TM4SF5: variants seen among roughly 807,000 people sequenced by gnomAD.
TM4SF5 encodes the protein transmembrane 4 L six family member 5, also known as transmembrane 4 L6 family member 5.
A neutral mutation model predicts 22.3 loss-of-function variants in TM4SF5; 16 were observed. The observed-to-expected ratio is 0.72, with a 90% CI of 0.49 to 1.09. The LOEUF is 1.09. Ranked by LOEUF, TM4SF5 falls within the 50% of genes least tolerant of loss-of-function variation. TM4SF5 has a pLI of 0.00. For missense variants in TM4SF5, 249 were observed against 266.1 expected (o/e 0.94, Z 0.45); for synonymous variants, 113 against 109.6 (o/e 1.03, Z -0.19).
chr17:4,776,640 T>C (rs1038399624), intron 1 of TM4SF5, among the ~76,000 whole-genome samples: 7 of 152,234 alleles, frequency 4.6e-5, no homozygotes, highest in Admixed American at 6.5e-5. Flanking sequence ...ATTCCCAGTT[T>C]GGTTTTTTTG....
Position 4,772,723 on chromosome 17 carries a change from T to G in TM4SF5, c.177+624T>G, listed in dbSNP as rs529407280. 6.8e-4 allele frequency among the ~76,000 whole-genome samples: 102 copies of G among 150,874 alleles called. 1 individual carries two copies. In the East Asian group the frequency reaches 0.013, roughly 20 times the overall value. The stretch of plus-strand genomic sequence containing the variant: ...GGTTTTTGTGTTTGTTTTTTGTTTT[T>G]TTTTTTTTTTGAGACAGGGTCTCTC... On this transcript the variant is annotated intron_variant, in intron 1 of 4. Coordinates refer to ENST00000270560, the MANE Select transcript of TM4SF5 (RefSeq NM_003963.3).
Position 4,782,554 on chromosome 17 carries a change from TGCCTCTCG to T in TM4SF5, c.312_319del (p.Leu105ValfsTer95). 2 of 1,614,032 alleles carry T rather than the reference TGCCTCTCG, an allele frequency of 1.2e-6. No homozygotes were observed. Among genetic ancestry groups the T allele is most frequent in the Non-Finnish European group, 1.7e-6 (2 of 1,179,978 alleles). ...GTTCGGGGTGCTTGGTGCCATCTAC[TGCCTCTCG>T]GTGTCTGGAGCTGGGCTCCGAAATG... On this transcript the variant is annotated frameshift_variant, in exon 3 of 5. Transcript: ENST00000270560. LOFTEE classifies it high-confidence loss of function.
intron 1 of TM4SF5, among the ~76,000 whole-genome samples, chr17:4,775,283 G>A (rs1917184623): frequency 6.6e-6 from 1 of 151,030 alleles, no homozygotes; most frequent in Admixed American, 6.6e-5. Context: ...TTTTGAGACG[G>A]AATCTCACTG....
chr17:4,777,437 A>G (rs9912225), intron 1 of TM4SF5, among the ~76,000 whole-genome samples: 6,481 of 152,290 alleles, frequency 0.043, 189 homozygotes, highest in Middle Eastern at 0.088. Flanking sequence ...TTTAATCAAA[A>G]GAGTAAAAAT....
At chr17:4,776,273 C>CTGTT (rs145804643) in intron 1 of TM4SF5, among the ~76,000 whole-genome samples, 10,715 of 151,742 alleles carry the variant, frequency 0.071, 1,279 homozygotes, top group African/African-American at 0.25. Flanking sequence ...ATACATTCTA[C>CTGTT]TGTTTGTTTG....
intron 1 of TM4SF5, among the ~76,000 whole-genome samples, chr17:4,776,027 T>TA (rs1917198147): frequency 6.6e-6 from 1 of 151,622 alleles, no homozygotes; most frequent in African/African-American, 2.4e-5. Context: ...GTATTTACTT[T>TA]AGTAGAGATG....
chr17:4,774,713 C>T (rs1301907126), intron 1 of TM4SF5, among the ~76,000 whole-genome samples: 4 of 152,084 alleles, frequency 2.6e-5, no homozygotes, highest in African/African-American at 4.8e-5. Context: ...TCACGACCAG[C>T]CTGACCAACA....
At chr17:4,774,470 A>G (rs151138870) in intron 1 of TM4SF5, among the ~76,000 whole-genome samples, 344 of 151,706 alleles carry the variant, frequency 2.3e-3, no homozygotes, top group Admixed American at 3.4e-3. Context: ...GTTTGGGCCC[A>G]GAAATGAAAG....
At chr17:4,777,810 G>A (rs1917235195) in intron 1 of TM4SF5, among the ~76,000 whole-genome samples, 1 of 152,080 alleles carries the variant, frequency 6.6e-6, no homozygotes, top group African/African-American at 2.4e-5. Flanking sequence ...CCTGAACACG[G>A]GAGGCAGAGG....
chr17:4,772,515 T>TCACG (rs1020300341), intron 1 of TM4SF5, among the ~76,000 whole-genome samples: 8 of 152,084 alleles, frequency 5.3e-5, no homozygotes, highest in African/African-American at 1.7e-4. Context: ...GGGACTGCCC[T>TCACG]CACGGATCAG....
At chr17:4,772,245 T>G in intron 1 of TM4SF5, 146 bp downstream of exon 1, 1 of 1,027,800 alleles carries the variant, frequency 9.7e-7, no homozygotes, top group Non-Finnish European at 1.4e-6. Flanking sequence ...CCCTCTGGAG[T>G]CAGTCCTGGA....
intron 3 of TM4SF5, 88 bp from the exon 4 acceptor site, chr17:4,782,766 C>T (rs1917337456): frequency 1.3e-6 from 2 of 1,569,598 alleles, no homozygotes; most frequent in African/African-American, 1.3e-5. Flanking sequence ...CTACCTGGGC[C>T]TTAGCAAATC....
At chr17:4,782,438 C>T in intron 2 of TM4SF5, 65 bp from the exon 3 acceptor site, 4 of 1,589,912 alleles carry the variant, frequency 2.5e-6, no homozygotes, top group Non-Finnish European at 3.4e-6. Flanking sequence ...TGGGGGCTGG[C>T]GCTGAGCGTC....
chr17:4,773,508 A>T (rs11868885), intron 1 of TM4SF5, among the ~76,000 whole-genome samples: 7,691 of 152,206 alleles, frequency 0.051, 687 homozygotes, highest in African/African-American at 0.18. Flanking sequence ...ACTTCTCAGG[A>T]CAGTTGGCTA....
chr17:4,782,434 C>T, intron 2 of TM4SF5, 69 bp from the exon 3 acceptor site: 1 of 1,578,470 alleles, frequency 6.3e-7, no homozygotes, highest in Non-Finnish European at 8.7e-7. Context: ...TGCGTGGGGG[C>T]TGGCGCTGAG....
rs1917353846 is a variant in TM4SF5 at position 4,783,211 on chromosome 17, C to T, written c.*83C>T. The T allele has an allele frequency of 6.3e-7, 1 of 1,590,262 alleles. No individual in the cohort carries two copies. The highest frequency in any genetic ancestry group is 1.1e-5 in the South Asian group (1 of 89,790). ...GCTAGAATAAACTGCTTTGCGCTCT[C>T]TTCTCTGTCTGAGATTGTGCCTTCT... On this transcript the variant is annotated 3_prime_UTR_variant, in exon 5 of 5. Coordinates refer to ENST00000270560, the MANE Select transcript of TM4SF5 (RefSeq NM_003963.3).
At chr17:4,773,498 A>G (rs1207167658) in intron 1 of TM4SF5, among the ~76,000 whole-genome samples, 1 of 152,108 alleles carries the variant, frequency 6.6e-6, no homozygotes, top group Non-Finnish European at 1.5e-5. Flanking sequence ...ACAGTTCCCC[A>G]CTTCTCAGGA....
chr17:4,776,046 G>A lies in TM4SF5; in HGVS notation c.177+3947G>A, dbSNP rs1917198711. On this transcript the variant is annotated intron_variant, in intron 1 of 4. Coordinates refer to ENST00000270560, the MANE Select transcript of TM4SF5 (RefSeq NM_003963.3). ...TTACTTTAGTAGAGATGGGGGTTTC[G>A]CCATGTTGGTCAGGCTGGTCTCGCA... 3.3e-5 allele frequency among the ~76,000 whole-genome samples: 5 copies of A among 151,252 alleles called. No homozygotes were observed. The South Asian group carries it at 8.4e-4, about 25-fold the overall frequency.
chr17:4,772,691 G>GA (rs1390091193), intron 1 of TM4SF5, among the ~76,000 whole-genome samples: 1 of 151,510 alleles, frequency 6.6e-6, no homozygotes, highest in Non-Finnish European at 1.5e-5. Flanking sequence ...GGGCGGAGGT[G>GA]GGGGTTGGTT....
Sources: gnomAD v4.1 joint callset for allele counts (sites outside exome capture counted in the v4.1 genomes callset) on GRCh38, gnomAD v4.1.1 for gene constraint, MANE v1.5 for transcripts, NCBI Gene and HGNC (gene_info 2026-07-23, HGNC 2026-07-21) for gene names.